IDS: variants seen among roughly 807,000 people sequenced by gnomAD.
IDS encodes the protein alpha-L-iduronate sulfate sulfatase.
Under a neutral mutation model 33.5 loss-of-function variants are expected in IDS, and 1 was observed. The observed-to-expected ratio is 0.03, with a 90% confidence interval of 0.01 to 0.14. The LOEUF (loss-of-function observed/expected upper bound fraction) is 0.14, where lower values mean the gene tolerates loss of function less well. IDS is among the 10% of genes least tolerant of loss of function. The pLI is 1.00. For synonymous variants in IDS, 191 were observed against 184.4 expected, an observed-to-expected ratio of 1.04 and a Z score of -0.29; for missense variants, 328 against 448.0, an observed-to-expected ratio of 0.73 and a Z score of 2.42.
At chrX:149,490,213 A>G in intron 7 of IDS, 101 bp downstream of exon 7, 1 of 929,424 alleles carries the variant, frequency 1.1e-6, no homozygotes. Flanking sequence ...TGGTTCACAA[A>G]AGAGAACACA....
chrX:149,488,294 G>A (rs369121391), intron 7 of IDS, among the ~76,000 whole-genome samples: 3 of 98,765 alleles, frequency 3.0e-5, no homozygotes, highest in Non-Finnish European at 6.1e-5. Context: ...CGGGGAGGAC[G>A]AGGCAGCCTT....
chrX:149,497,092 T>C (rs2089441856), intron 5 of IDS, among the ~76,000 whole-genome samples: 1 of 111,920 alleles, frequency 8.9e-6, no homozygotes, highest in Non-Finnish European at 1.9e-5. Context: ...GGGAAGCTCA[T>C]TAAAGCCTCA....
chrX:149,485,653 G>A (rs1202597148), intron 8 of IDS, among the ~76,000 whole-genome samples: 1 of 111,963 alleles, frequency 8.9e-6, no homozygotes, highest in Non-Finnish European at 1.9e-5. Flanking sequence ...GACACAGCTA[G>A]AGATAAAATT....
At chrX:149,505,013 G>C (rs2089513811) in intron 1 of IDS, 22 bp downstream of exon 1, 1 of 1,116,735 alleles carries the variant, frequency 9.0e-7, no homozygotes, top group African/African-American at 1.8e-5. Flanking sequence ...AGAAGAGATG[G>C]CAGGGAGGGC....
chrX:149,493,871 C>T (rs1557339013), intron 6 of IDS, among the ~76,000 whole-genome samples: 1 of 111,670 alleles, frequency 9.0e-6, no homozygotes, highest in African/African-American at 3.3e-5. Flanking sequence ...TACCCACATC[C>T]ACCCTGTCCG....
chrX:149,498,240 G>C lies in IDS; in HGVS notation c.575C>G (p.Pro192Arg), dbSNP rs139495864. 209 of 1,210,100 alleles carry C rather than the reference G, an allele frequency of 1.7e-4. No homozygotes were observed. The highest frequency in any genetic ancestry group is 2.1e-4 in the Non-Finnish European group (189 of 894,970). ...LLCPVDVLDV[P>R]EGTLPDKQST... is the part of the protein sequence containing the mutation. ...CTGTTTGTCAGGCAAGGTGCCCTCG[G>C]GAACATCCAGCACATCCACAGGGCA... The change falls in exon 5 of 9, where the codon CCC becomes CGC. Residue 192 changes from proline to arginine, a missense_variant. Pro to Arg is a moderately radical substitution (Grantham distance 103, BLOSUM62 -2). Transcript: ENST00000340855.
At chrX:149,500,925 G>A (rs2089474482) in intron 4 of IDS, 24 bp downstream of exon 4, 1 of 1,016,251 alleles carries the variant, frequency 9.8e-7, no homozygotes, top group African/African-American at 1.9e-5. Context: ...TTCCTCTTCA[G>A]AAATGTCCCT....
chrX:149,505,203 C>A lies in IDS; in HGVS notation c.-66G>T. 1 of 805,029 alleles carries A rather than the reference C, an allele frequency of 1.2e-6. No individual in the cohort carries two copies. 66.3% of individuals were successfully genotyped at this position (805,029 alleles called of 1,213,427 possible). A position where few individuals can be genotyped will look rare whatever the true frequency, so the allele number is the denominator to read the frequency against. On this transcript the variant is annotated 5_prime_UTR_variant, in exon 1 of 9. Coordinates refer to ENST00000340855, the MANE Select transcript of IDS (RefSeq NM_000202.8). ...CTGCAGCAGGTGGCGCAGTTAGCAG[C>A]CGCCGCCGCAGCCACAGAGACCTCC... is the stretch of plus-strand genomic sequence containing the variant.
Position 149,485,521 on chromosome X carries a change from G to C in IDS, c.1180+1404C>G, listed in dbSNP as rs1299957296. Among the ~76,000 whole-genome samples the C allele has an allele frequency of 2.7e-5, 3 of 112,029 alleles. No individual in the cohort carries two copies. In the East Asian group the frequency reaches 8.3e-4, roughly 31 times the overall value. On this transcript the variant is annotated intron_variant, in intron 8 of 8. Transcript: ENST00000340855. ...GCATGAGTGACTATTCTCATTTCTT[G>C]AGGACAAGAAGAGTGTTGAAGGAAA...
rs970363627 is a variant in IDS, at chrX:149,483,482, C to T, written c.1181-264G>A. ...AAAACAACCTGAATTTTGGAACCAC[C>T]GATTTAATAACTGACTCAGACAAGG... On this transcript the variant is annotated intron_variant, in intron 8 of 8. Transcript: ENST00000340855. Among the ~76,000 whole-genome samples the T allele has an allele frequency of 3.6e-5, 4 of 111,213 alleles. No homozygotes were observed. In the East Asian group the frequency reaches 8.4e-4, roughly 23 times the overall value.
At chrX:149,488,973 T>C (rs113416330) in intron 7 of IDS, among the ~76,000 whole-genome samples, 34,174 of 109,514 alleles carry the variant, frequency 0.31, 4,385 homozygotes, top group Middle Eastern at 0.43. Flanking sequence ...CACTTTCCCA[T>C]GCCCAGAACT....
rs1157308870 is a variant in IDS at position 149,477,091 on chromosome X, T to C, written c.*5655A>G. 8.9e-6 allele frequency: 1 copy of C among 112,519 alleles called. No individual in the cohort carries two copies. Among genetic ancestry groups the C allele is most frequent in the Non-Finnish European group, 1.9e-5 (1 of 53,323 alleles). The allele number at this position is 112,519 out of a possible 1,213,427, so 9.3% of individuals were successfully genotyped here. The stretch of plus-strand genomic sequence containing the variant: ...GTAGAAGATGTGAATTCATAAAAGC[T>C]GTAAGTTAATGAGTACTGAATAAAA... On this transcript the variant is annotated 3_prime_UTR_variant, in exon 9 of 9. Coordinates refer to ENST00000340855, the MANE Select transcript of IDS (RefSeq NM_000202.8).
At chrX:149,487,132 G>A in intron 7 of IDS, 34 bp from the exon 8 acceptor site, 1 of 1,210,214 alleles carries the variant, frequency 8.3e-7, no homozygotes, top group East Asian at 3.0e-5. Flanking sequence ...GACAGAAAAT[G>A]AATAATCATC....
chrX:149,497,202 T>TA (rs1203403107), intron 5 of IDS, among the ~76,000 whole-genome samples: 1 of 111,700 alleles, frequency 9.0e-6, no homozygotes, highest in Non-Finnish European at 1.9e-5. Flanking sequence ...CCCAGGGGTT[T>TA]ATCATCAACC....
At chrX:149,485,663 T>C (rs2089330227) in intron 8 of IDS, among the ~76,000 whole-genome samples, 1 of 111,649 alleles carries the variant, frequency 9.0e-6, no homozygotes, top group Non-Finnish European at 1.9e-5. Context: ...GAGATAAAAT[T>C]TGGAAATAAA....
rs1370080002 is a variant in IDS at position 149,479,980 on chromosome X, GA to G, written c.*2765del. ...TCACAAAAACCTCAGCCTCCTTCGG[GA>G]GGGGGGGAGCTTGGTAGTGAAAAAT... On this transcript the variant is annotated 3_prime_UTR_variant, in exon 9 of 9. Transcript: ENST00000340855. 7.6e-6 allele frequency: 2 copies of G among 262,337 alleles called. No homozygotes were observed. Among genetic ancestry groups the G allele is most frequent in the Non-Finnish European group, 1.3e-5 (2 of 148,462 alleles). The allele number at this position is 262,337 out of a possible 1,213,427, so 21.6% of individuals were successfully genotyped here.
At chrX:149,499,699 T>C (rs1557339737) in intron 4 of IDS, among the ~76,000 whole-genome samples, 1 of 110,659 alleles carries the variant, frequency 9.0e-6, no homozygotes, top group Non-Finnish European at 1.9e-5. Flanking sequence ...GAGAGTTTTA[T>C]GGTATATGAA....
chrX:149,486,393 G>A (rs782730307), intron 8 of IDS, among the ~76,000 whole-genome samples: 2 of 111,591 alleles, frequency 1.8e-5, no homozygotes, highest in Non-Finnish European at 3.8e-5. Flanking sequence ...ACTGGCACAT[G>A]GAAGTCAAAG....
intron 8 of IDS, 65 bp downstream of exon 8, chrX:149,486,860 G>C: frequency 9.1e-7 from 1 of 1,101,056 alleles, no homozygotes; most frequent in Non-Finnish European, 1.3e-6. Flanking sequence ...ATTCAATAAA[G>C]TGGTTCACAT....
Sources: allele counts gnomAD v4.1 joint callset (sites outside exome capture counted in the v4.1 genomes callset), GRCh38; gene constraint gnomAD v4.1.1; transcripts MANE v1.5; gene names NCBI Gene and HGNC (gene_info 2026-07-23, HGNC 2026-07-21).